The following NOP53 variants were observed in gnomAD, a reference collection of about 807,000 sequenced individuals.
NOP53 encodes the protein ribosome biogenesis protein NOP53.
Under a neutral mutation model 61.0 loss-of-function variants are expected in NOP53, and 40 were observed. The observed-to-expected ratio is 0.66, with a 90% CI of 0.51 to 0.85. The LOEUF is 0.85. Among genes scored for constraint, NOP53 ranks in the 40% least tolerant of loss-of-function variants. The probability of loss-of-function intolerance (pLI) is 0.00; values close to 1 mark genes in which losing one functional copy is unlikely to be tolerated. For synonymous variants in NOP53, 308 were observed against 289.5 expected, an observed-to-expected ratio of 1.06 and a Z score of -0.65; for missense variants, 689 against 652.9, an observed-to-expected ratio of 1.06 and a Z score of -0.60.
At chr19:47,746,821 G>A (rs1333232102) in intron 1 of NOP53, 146 bp from the exon 2 acceptor site, 1 of 653,698 alleles carries the variant, frequency 1.5e-6, no homozygotes, top group Non-Finnish European at 2.7e-6. Context: ...TAAATACTAA[G>A]TTCTGTAAAC....
At chr19:47,747,139 C>A in intron 2 of NOP53, 108 bp downstream of exon 2, 3 of 844,842 alleles carry the variant, frequency 3.6e-6, no homozygotes, top group Non-Finnish European at 5.6e-6. Flanking sequence ...CAAATATCTG[C>A]GGAAACAGGT....
In NOP53 at chr19:47,751,070, C is replaced by T. The variant is rs552419356; in HGVS notation, c.561C>T (p.Thr187=). The change falls in exon 4 of 13, where the codon ACC becomes ACT. Residue 187 remains threonine (T), a synonymous_variant. Transcript: ENST00000246802. ...GGGCCAAGCCCGGGCCCCAGGACAC[C>T]GTAGAGCGGCCCTTCTACGACCTCT... ...ATRAKPGPQD[T]VERPFYDLWA... is the part of the protein sequence containing the mutation. The T allele has an allele frequency of 1.7e-5, 28 of 1,608,660 alleles. No homozygotes were observed. Among genetic ancestry groups the T allele is most frequent in the Middle Eastern group, 1.7e-4 (1 of 6,048 alleles).
Position 47,756,585 on chromosome 19 carries a change from G to A in NOP53, c.1354G>A (p.Glu452Lys). 1 of 1,614,018 alleles carries A rather than the reference G, an allele frequency of 6.2e-7. No individual in the cohort carries two copies. The highest frequency in any genetic ancestry group is 1.1e-5 in the South Asian group (1 of 91,084). ...FKSFQRRNMI[E>K]PRERAKFKRK... ...GAGCTTCCAGAGGAGGAATATGATCGAGCCTCGAGAGAGAGCCAAGTAAGG... is the reference window on the plus strand; with the variant it reads ...GAGCTTCCAGAGGAGGAATATGATCAAGCCTCGAGAGAGAGCCAAGTAAGG... Residue 452 changes from glutamate to lysine, a missense_variant, in exon 11 of 13, where the codon GAG (glutamate) becomes AAG (lysine). Coordinates refer to ENST00000246802, the MANE Select transcript of NOP53 (RefSeq NM_015710.5).
intron 9 of NOP53, 107 bp downstream of exon 9, chr19:47,755,630 A>G: frequency 2.4e-6 from 3 of 1,241,144 alleles, no homozygotes; most frequent in Non-Finnish European, 3.3e-6. Flanking sequence ...CCCCATCGGG[A>G]GACCACCTCT....
rs1454277346 is a variant in NOP53 at position 47,755,174 on chromosome 19, G to A, written c.1054-174G>A. ...AGACCAGGGGAGATGGATGACAAAA[G>A]GGGCTTCAGCAAACAGCTGCTGGGA... On this transcript the variant is annotated intron_variant, in intron 8 of 12. Coordinates refer to ENST00000246802, the MANE Select transcript of NOP53 (RefSeq NM_015710.5). Among the ~76,000 whole-genome samples the A allele has an allele frequency of 3.3e-5, 5 of 152,174 alleles. No individual in the cohort carries two copies. The South Asian group carries it at 8.3e-4, about 25-fold the overall frequency.
At position 47,754,601 on chromosome 19, in the gene NOP53, C is replaced by T; in HGVS notation, c.840C>T (p.Ala280=). The T allele has an allele frequency of 6.5e-7, 1 of 1,549,878 alleles. No homozygotes were observed. Among genetic ancestry groups the T allele is most frequent in the Non-Finnish European group, 8.7e-7 (1 of 1,147,890 alleles). ...KEAEKLERQL[A]LPATEQAATQ... is the part of the protein sequence containing the mutation. ...CGGAGAAGCTGGAGCGGCAGCTGGC[C>T]CTGCCCGCCACGGAGCAGGCCGCCA... The change falls in exon 7 of 13, where the codon GCC becomes GCT. Residue 280 remains alanine (A), a synonymous_variant. Coordinates refer to ENST00000246802, the MANE Select transcript of NOP53 (RefSeq NM_015710.5). This position sits in a 1 kb window ranked among gnomAD's most constrained non-coding sequence, Gnocchi z 4.2.
chr19:47,755,691 G>T (rs910603526), intron 9 of NOP53, 65 bp from the exon 10 acceptor site: 1 of 1,459,832 alleles, frequency 6.9e-7, no homozygotes, highest in Non-Finnish European at 9.4e-7. Context: ...CCAGGAGGGG[G>T]CTTTGGACTG....
rs1289239748 is a variant in NOP53, at chr19:47,750,241, T to C, written c.353T>C (p.Val118Ala). Residue 118 changes from valine (V) to alanine (A), a missense_variant, in exon 3 of 13, where the codon GTT becomes GCT. Transcript: ENST00000246802. ...KSLLLKKPLR[V>A]DLILENTSKV... ...CTGCTTCTCAAGAAACCCCTTCGGG[T>C]TGACCTCATCCTCGAGAACACATCC... The C allele has an allele frequency of 1.2e-6, 2 of 1,612,616 alleles. No homozygotes were observed. The highest frequency in any genetic ancestry group is 1.7e-6 in the Non-Finnish European group (2 of 1,178,756).
Position 47,746,960 on chromosome 19 carries a change from C to T in NOP53, c.225-7C>T. On this transcript the variant is annotated splice_polypyrimidine_tract_variant and splice_region_variant and intron_variant, in intron 1 of 12. Transcript: ENST00000246802. ...TCTGGCTGATGTTCTGCATTTCTGT[C>T]CCCCAGTGGCTTGTTGTCAGAGGCC... 2 of 1,611,444 alleles carry T rather than the reference C, an allele frequency of 1.2e-6. No homozygotes were observed. The highest frequency in any genetic ancestry group is 1.7e-6 in the Non-Finnish European group (2 of 1,177,704).
At chr19:47,753,902 C>G (rs891394412) in intron 6 of NOP53, 17 of 152,306 alleles carry the variant, frequency 1.1e-4, no homozygotes, top group African/African-American at 4.1e-4. Context: ...CAGCCATCAC[C>G]CCCGCAATTC....
At position 47,752,508 on chromosome 19, in the gene NOP53, A is replaced by C; in HGVS notation, c.670-4A>C. ...CTTACCCTGCCTCGGCCTTTTCTCCACAGCGGCCAGCACGCCTGCACACCA... is the reference window on the plus strand; with the variant it reads ...CTTACCCTGCCTCGGCCTTTTCTCCCCAGCGGCCAGCACGCCTGCACACCA... On this transcript the variant is annotated splice_region_variant and splice_polypyrimidine_tract_variant and intron_variant, in intron 5 of 12. Coordinates refer to ENST00000246802, the MANE Select transcript of NOP53 (RefSeq NM_015710.5). 6.3e-7 allele frequency: 1 copy of C among 1,591,096 alleles called. No individual in the cohort carries two copies. Among genetic ancestry groups the C allele is most frequent in the Non-Finnish European group, 8.6e-7 (1 of 1,166,204 alleles).
chr19:47,751,089 G>A lies in NOP53; in HGVS notation c.580G>A (p.Asp194Asn), dbSNP rs1045026502. Residue 194 changes from aspartate to asparagine, a missense_variant, in exon 4 of 13, where the codon GAC (aspartate) becomes AAC (asparagine). Asp to Asn is a conservative substitution (Grantham distance 23). Transcript: ENST00000246802. The part of the protein sequence containing the change: ...PQDTVERPFY[D>N]LWASDNPLDR... ...GGACACCGTAGAGCGGCCCTTCTAC[G>A]ACCTCTGGGCCTCAGACAGTGAGTG... 6 of 1,607,862 alleles carry A rather than the reference G, an allele frequency of 3.7e-6. No homozygotes were observed. Among genetic ancestry groups the A allele is most frequent in the East Asian group, 2.2e-5 (1 of 44,720 alleles).
At chr19:47,751,850 C>G (rs1322072063) in intron 5 of NOP53, among the ~76,000 whole-genome samples, 1 of 152,172 alleles carries the variant, frequency 6.6e-6, no homozygotes. Context: ...GCCTGTAATC[C>G]CAGCACTTCG....
At chr19:47,750,009 G>C (rs916779904) in intron 2 of NOP53, among the ~76,000 whole-genome samples, 169 bp from the exon 3 acceptor site, 1 of 152,112 alleles carries the variant, frequency 6.6e-6, no homozygotes, top group Admixed American at 6.6e-5. Context: ...GGGCACCTTG[G>C]GCCCCATCCT....
intron 1 of NOP53, chr19:47,746,136 A>ATG (rs1239407353): frequency 4.1e-6 from 1 of 244,282 alleles, no homozygotes; most frequent in Non-Finnish European, 8.0e-6. Flanking sequence ...GTGTATATAT[A>ATG]TGTGTATATG....
intron 2 of NOP53, among the ~76,000 whole-genome samples, chr19:47,749,944 A>C (rs1967104494): frequency 6.6e-6 from 1 of 152,128 alleles, no homozygotes; most frequent in Non-Finnish European, 1.5e-5. Context: ...TCGTGTCCCC[A>C]GCATGGGGCC....
At chr19:47,746,102 G>C (rs1967059964) in intron 1 of NOP53, 2 of 396,596 alleles carry the variant, frequency 5.0e-6, no homozygotes, top group South Asian at 3.7e-5. Flanking sequence ...CTAAATATGT[G>C]TGTGTGTGTA....
At chr19:47,756,276 G>T in intron 10 of NOP53, 2 of 572,898 alleles carry the variant, frequency 3.5e-6, no homozygotes, top group Non-Finnish European at 6.2e-6. Context: ...TGCCCTCGCT[G>T]TCCCCTTTTC....
chr19:47,755,614 C>A, intron 9 of NOP53, 91 bp downstream of exon 9: 1 of 1,363,130 alleles, frequency 7.3e-7, no homozygotes. Context: ...AGGAACTGCC[C>A]ACCCCCCCCA....
Sources: gnomAD v4.1 joint callset for allele counts (sites outside exome capture counted in the v4.1 genomes callset) on GRCh38, gnomAD v4.1.1 for gene constraint, Gnocchi (gnomAD v3.1) non-coding constraint, MANE v1.5 for transcripts, NCBI Gene and HGNC (gene_info 2026-07-23, HGNC 2026-07-21) for gene names.